The following VIRMA variants were observed in gnomAD, a reference collection of about 807,000 sequenced individuals.
The protein encoded by VIRMA is vir like m6A methyltransferase associated.
In VIRMA, 65 loss-of-function variants were observed where a neutral mutation model predicts 182.4. The observed-to-expected ratio is 0.36, with a 90% CI of 0.29 to 0.44. VIRMA has a LOEUF of 0.44. VIRMA is among the 20% of genes least tolerant of loss of function. The pLI is 1.00. For missense variants in VIRMA, 1,752 were observed against 2,158.1 expected (o/e 0.81, Z 3.73); for synonymous variants, 709 against 743.1 (o/e 0.95, Z 0.75).
In VIRMA at chr8:94,510,645, T is replaced by C. The variant is rs1814333970; in HGVS notation, c.3398A>G (p.Glu1133Gly). Residue 1133 changes from glutamate to glycine, a missense_variant, in exon 14 of 24, where the codon GAG becomes GGG. Glu to Gly is a moderately conservative substitution (Grantham distance 98, BLOSUM62 -2). Coordinates refer to ENST00000297591, the MANE Select transcript of VIRMA (RefSeq NM_015496.5). ...PLPMQTTQVI[E>G]PHDISVALNT... The stretch of plus-strand genomic sequence containing the variant: ...GAGTGCCACTGATATATCATGTGGC[T>C]CAATAACCTGTTAAAAAAGTATAAT... The C allele has an allele frequency of 6.2e-7, 1 of 1,608,084 alleles. No homozygotes were observed. Among genetic ancestry groups the C allele is most frequent in the African/African-American group, 1.3e-5 (1 of 74,940 alleles).
intron 11 of VIRMA, among the ~76,000 whole-genome samples, chr8:94,513,502 A>C (rs989334793): frequency 3.3e-5 from 5 of 152,000 alleles, no homozygotes; most frequent in African/African-American, 1.2e-4. Context: ...GTAATTCCAC[A>C]AATTACATAA....
In VIRMA at chr8:94,488,591, A is replaced by T. The variant is rs895237926; in HGVS notation, c.*115T>A. 10 of 961,886 alleles carry T rather than the reference A, an allele frequency of 1.0e-5. No homozygotes were observed. The highest frequency in any genetic ancestry group is 7.8e-5 in the Admixed American group (3 of 38,310). 59.6% of individuals were successfully genotyped at this position (961,886 alleles called of 1,614,324 possible). The stretch of plus-strand genomic sequence containing the variant: ...CAAATTCTGCTTTCTTCAGATAAAA[A>T]TATTCTCTCAGATGTCTCCAGATAA... On this transcript the variant is annotated 3_prime_UTR_variant, in exon 24 of 24. Transcript: ENST00000297591.
chr8:94,506,619 G>A lies in VIRMA; in HGVS notation c.3978C>T (p.Ile1326=). The part of the protein sequence containing the change: ...SLPNKELMTS[I]CDCLLATLAN... ...CTAGCGTAGCCAACAGACAGTCACA[G>A]ATTGAGGTCATCAATTCTTTATTTG... Residue 1326 remains isoleucine, a synonymous_variant, in exon 16 of 24, where the codon ATC becomes ATT. Transcript: ENST00000297591. 6.2e-7 allele frequency: 1 copy of A among 1,613,560 alleles called. No homozygotes were observed. Among genetic ancestry groups the A allele is most frequent in the Non-Finnish European group, 8.5e-7 (1 of 1,179,578 alleles).
At chr8:94,500,939 A>G (rs1462849172) in intron 16 of VIRMA, among the ~76,000 whole-genome samples, 1 of 152,120 alleles carries the variant, frequency 6.6e-6, no homozygotes, top group Non-Finnish European at 1.5e-5. Context: ...TTGACTAGAT[A>G]TAATTTTTTA....
At chr8:94,492,457 T>TAA (rs199539729) in intron 21 of VIRMA, among the ~76,000 whole-genome samples, 195 bp downstream of exon 21, 1 of 150,966 alleles carries the variant, frequency 6.6e-6, no homozygotes, top group African/African-American at 2.5e-5. Context: ...CTAATTTTTT[T>TAA]TTTTTTATTT....
chr8:94,540,741 C>T (rs565929124), intron 2 of VIRMA, among the ~76,000 whole-genome samples: 2 of 152,222 alleles, frequency 1.3e-5, no homozygotes, highest in East Asian at 3.9e-4. Context: ...GGATTACAGG[C>T]GTGAGCCACT....
chr8:94,521,448 C>T (rs556994270), intron 8 of VIRMA, among the ~76,000 whole-genome samples: 4 of 152,184 alleles, frequency 2.6e-5, no homozygotes, highest in African/African-American at 7.2e-5. Context: ...ACCAAAACAT[C>T]GTATTTTTTC....
rs1429702210 is a variant in VIRMA at position 94,526,805 on chromosome 8, G to C, written c.1439C>G (p.Ala480Gly). 1.2e-6 allele frequency: 2 copies of C among 1,613,976 alleles called. No homozygotes were observed. Among genetic ancestry groups the C allele is most frequent in the Admixed American group, 1.7e-5 (1 of 59,990 alleles). ...TTCAAATAATCCACTGATCACTCCT[G>C]CTTGTAGCAGTCCTGTAACTCCTTG... ...GAQGVTGLLQ[A>G]GVISGLFELL... Residue 480 changes from alanine to glycine, a missense_variant, in exon 8 of 24, where the codon GCA (alanine) becomes GGA (glycine). By Grantham distance (60) the Ala-to-Gly change is moderately conservative. Around this residue, in one of 11 missense-constraint regions of VIRMA, gnomAD observed 401 missense variants for 455.1 expected, o/e 0.88. Transcript: ENST00000297591.
intron 23 of VIRMA, among the ~76,000 whole-genome samples, chr8:94,489,083 A>T (rs1813535236): frequency 6.6e-6 from 1 of 152,220 alleles, no homozygotes; most frequent in Non-Finnish European, 1.5e-5. Flanking sequence ...ATTATTTTTT[A>T]AAAATGTGCA....
intron 1 of VIRMA, 60 bp from the exon 2 acceptor site, chr8:94,544,002 C>T: frequency 1.2e-6 from 1 of 818,396 alleles, no homozygotes; most frequent in South Asian, 1.5e-5. Context: ...AACAGTTTCT[C>T]TATTCAAATT....
chr8:94,499,592 G>C, intron 16 of VIRMA, 86 bp from the exon 17 acceptor site: 1 of 918,454 alleles, frequency 1.1e-6, no homozygotes, highest in Non-Finnish European at 1.6e-6. Context: ...ACTTCAGACA[G>C]AATAAAACTT....
intron 5 of VIRMA, among the ~76,000 whole-genome samples, chr8:94,531,431 C>T (rs1815169295): frequency 6.6e-6 from 1 of 152,168 alleles, no homozygotes; most frequent in South Asian, 2.1e-4. Flanking sequence ...TTTTCATCTT[C>T]AGAATTAACT....
At chr8:94,495,491 A>T in intron 19 of VIRMA, among the ~76,000 whole-genome samples, 1 of 151,990 alleles carries the variant, frequency 6.6e-6, no homozygotes, top group Non-Finnish European at 1.5e-5. Flanking sequence ...AAAATAAAAC[A>T]ATGCCCTGAT....
chr8:94,491,564 T>A lies in VIRMA; in HGVS notation c.5140+14A>T. ...ATATTCTAACCCATTAGAAAATACA[T>A]ACTAATTAGTTACCTTTTGAAGCAG... On this transcript the variant is annotated intron_variant, in intron 22 of 23. Coordinates refer to ENST00000297591, the MANE Select transcript of VIRMA (RefSeq NM_015496.5). The A allele has an allele frequency of 6.3e-7, 1 of 1,592,332 alleles. No individual in the cohort carries two copies. The highest frequency in any genetic ancestry group is 1.1e-5 in the South Asian group (1 of 89,988).
At chr8:94,541,013 G>A (rs537372669) in intron 2 of VIRMA, among the ~76,000 whole-genome samples, 12 of 151,468 alleles carry the variant, frequency 7.9e-5, no homozygotes, top group Admixed American at 5.9e-4. Context: ...ACATATATAA[G>A]CACACATATA....
chr8:94,520,324 T>C (rs1814718621), intron 8 of VIRMA, among the ~76,000 whole-genome samples: 2 of 151,862 alleles, frequency 1.3e-5, no homozygotes, highest in South Asian at 2.1e-4. Flanking sequence ...AGTGAGACCC[T>C]GTCTCTAAAA....
At chr8:94,553,303 G>A (rs1360717393) in intron 1 of VIRMA, 82 bp downstream of exon 1, 3 of 1,357,118 alleles carry the variant, frequency 2.2e-6, no homozygotes, top group African/African-American at 2.9e-5. Flanking sequence ...TCTGCAGAAG[G>A]AAAAGTGGAG....
chr8:94,542,445 G>A (rs556700201), intron 2 of VIRMA, among the ~76,000 whole-genome samples: 8 of 152,298 alleles, frequency 5.3e-5, no homozygotes, highest in African/African-American at 1.7e-4. Context: ...GAAAGAACCT[G>A]AGCCAGCTAA....
Position 94,519,455 on chromosome 8 carries a change from G to A in VIRMA, c.2043C>T (p.Phe681=). The change falls in exon 9 of 24, where the codon TTC becomes TTT. Residue 681 remains phenylalanine (F), a synonymous_variant. Coordinates refer to ENST00000297591, the MANE Select transcript of VIRMA (RefSeq NM_015496.5). ...ACAGAAGCAAGGTAACCAACTCCAA[G>A]AAGTGATGACTGTGAAGATATCTGT... ...VLFRYLHSHH[F]LELVTLLLSI... The A allele has an allele frequency of 6.6e-7, 1 of 1,525,614 alleles. No individual in the cohort carries two copies. The highest frequency in any genetic ancestry group is 8.8e-7 in the Non-Finnish European group (1 of 1,141,172). The allele number at this position is 1,525,614 out of a possible 1,614,324, so 94.5% of individuals were successfully genotyped here.
Sources: allele counts gnomAD v4.1 joint callset (sites outside exome capture counted in the v4.1 genomes callset), GRCh38; gene constraint gnomAD v4.1.1; regional missense constraint gnomAD v4.1.1; transcripts MANE v1.5; gene names NCBI Gene and HGNC (gene_info 2026-07-23, HGNC 2026-07-21).